SYMPK: variants seen among roughly 807,000 people sequenced by gnomAD.
SYMPK encodes the protein symplekin.
In SYMPK, 49 loss-of-function variants were observed where a neutral mutation model predicts 136.4. The ratio of observed to expected loss-of-function variants is 0.36; its 90% CI spans 0.29 to 0.46. The LOEUF is 0.46. Among genes scored for constraint, SYMPK ranks in the 20% least tolerant of loss-of-function variants. SYMPK has a pLI of 1.00. For missense variants in SYMPK, 1,365 were observed against 1,690.0 expected (o/e 0.81, Z 3.37); for synonymous variants, 766 against 713.0 (o/e 1.07, Z -1.19).
At chr19:45,862,892 C>T (rs1247464125) in intron 1 of SYMPK, among the ~76,000 whole-genome samples, 166 bp downstream of exon 1, 1 of 152,144 alleles carries the variant, frequency 6.6e-6, no homozygotes, top group African/African-American at 2.4e-5. Context: ...AACTTTGCCT[C>T]GAGGGCACTA....
intron 9 of SYMPK, among the ~76,000 whole-genome samples, chr19:45,840,991 CTTT>C (rs567036023): frequency 6.9e-6 from 1 of 145,680 alleles, no homozygotes. Context: ...AGATAAATTC[CTTT>C]TTTTTTTTTG....
In SYMPK at chr19:45,815,709, G is replaced by T; in HGVS notation, c.3688-12C>A. On this transcript the variant is annotated splice_polypyrimidine_tract_variant and intron_variant, in intron 26 of 26. Transcript: ENST00000245934. ...CCCGCTGCCGTCTCCTGGTGACCGG[G>T]GAAGGAAAGGGCAGCCGGGTGGAGG... is the stretch of plus-strand genomic sequence containing the variant. 3 of 1,607,782 alleles carry T rather than the reference G, an allele frequency of 1.9e-6. No individual in the cohort carries two copies. Among genetic ancestry groups the T allele is most frequent in the Non-Finnish European group, 2.5e-6 (3 of 1,177,864 alleles).
At chr19:45,848,617 T>C (rs1026672890) in intron 6 of SYMPK, 133 bp downstream of exon 6, 3 of 1,254,694 alleles carry the variant, frequency 2.4e-6, no homozygotes, top group Non-Finnish European at 3.4e-6. Context: ...CTCCATGTTA[T>C]CTGTTCCCAC....
intron 12 of SYMPK, 79 bp from the exon 13 acceptor site, chr19:45,830,283 G>T: frequency 1.3e-6 from 2 of 1,484,594 alleles, no homozygotes; most frequent in Non-Finnish European, 1.8e-6. Context: ...CCAACTTCAA[G>T]GACTAGGTAG....
intron 8 of SYMPK, chr19:45,842,692 T>TA: frequency 1.6e-6 from 1 of 629,286 alleles, no homozygotes; most frequent in Non-Finnish European, 2.7e-6. Flanking sequence ...CAGTCAATCT[T>TA]AAAGAGAAAA....
Position 45,825,234 on chromosome 19 carries a change from C to A in SYMPK, c.2427G>T (p.Ala809=). The change falls in exon 18 of 27, where the codon GCG becomes GCT. Residue 809 remains alanine, a synonymous_variant. Transcript: ENST00000245934. ...PQNHKLIHEL[A]AVYTEAIADI... ...CGGCGATGGCTTCAGTGTACACGGC[C>A]GCCAGTTCGTGGATCAGCTTGTGGT... 4 of 1,614,158 alleles carry A rather than the reference C, an allele frequency of 2.5e-6. No individual in the cohort carries two copies. The highest frequency in any genetic ancestry group is 3.4e-6 in the Non-Finnish European group (4 of 1,180,028).
Position 45,816,917 on chromosome 19 carries a change from G to T in SYMPK, c.3139C>A (p.Pro1047Thr), listed in dbSNP as rs1354562880. 6.4e-6 allele frequency: 10 copies of T among 1,557,548 alleles called. No individual in the cohort carries two copies. The highest frequency in any genetic ancestry group is 8.7e-6 in the Non-Finnish European group (10 of 1,150,562). ...GFIKCCQRTKPQSFQVILQLP... is the reference protein window; with the variant it reads ...GFIKCCQRTKTQSFQVILQLP... ...TGCAGGATGACCTGGAAGCTCTGGG[G>T]CTTTGTGCGCTGGCAGCACTTGATG... The change falls in exon 24 of 27, where the codon CCC (proline) becomes ACC (threonine). Residue 1047 changes from proline (P) to threonine (T), a missense_variant. Pro to Thr is a conservative substitution (Grantham distance 38, BLOSUM62 -1). Transcript: ENST00000245934.
chr19:45,845,780 C>T (rs1164865565), intron 7 of SYMPK, among the ~76,000 whole-genome samples: 1 of 152,096 alleles, frequency 6.6e-6, no homozygotes, highest in East Asian at 1.9e-4. Context: ...CTCAAAACTC[C>T]AAACAATTTT....
Position 45,843,556 on chromosome 19 carries a change from C to G in SYMPK, c.847+474G>C, listed in dbSNP as rs190079366. ...CCAGTCCTGAATCAAGTTTCTGTCA[C>G]ATGCCAAAAGATTCCTGTCTAATGT... On this transcript the variant is annotated intron_variant, in intron 8 of 26. Coordinates refer to ENST00000245934, the MANE Select transcript of SYMPK (RefSeq NM_004819.3). Among the ~76,000 whole-genome samples the G allele has an allele frequency of 1.1e-4, 16 of 152,250 alleles. No homozygotes were observed. The Middle Eastern group carries it at 0.014, about 129-fold the overall frequency.
At chr19:45,817,530 C>G (rs1970782415) in intron 23 of SYMPK, among the ~76,000 whole-genome samples, 1 of 149,508 alleles carries the variant, frequency 6.7e-6, no homozygotes, top group African/African-American at 2.5e-5. Flanking sequence ...CTCCTGGGCT[C>G]AAGCAGTCCT....
Position 45,841,294 on chromosome 19 carries a change from C to CT in SYMPK, c.1087+955_1087+956insA, listed in dbSNP as rs919078145. Among the ~76,000 whole-genome samples, 16 of 145,980 alleles carry CT rather than the reference C, an allele frequency of 1.1e-4. No homozygotes were observed. In the East Asian group the frequency reaches 2.3e-3, roughly 21 times the overall value. On this transcript the variant is annotated intron_variant, in intron 9 of 26. Coordinates refer to ENST00000245934, the MANE Select transcript of SYMPK (RefSeq NM_004819.3). ...CCACTGTGCCTGGCAATTCCCCCCC[C>CT]ACCTTTTTTTTTTTTGAGACAGAGT...
At position 45,844,031 on chromosome 19, in the gene SYMPK, A is replaced by G. The variant is rs772693421; in HGVS notation, c.846T>C (p.His282=). The change falls in exon 8 of 27, where the codon CAT becomes CAC. Residue 282 remains histidine, a splice_region_variant and synonymous_variant. Transcript: ENST00000245934. ...GGAGGGGGGAGGACAATGACCTACC[A>G]TGCAGAGTTTCATAGGCCTGGATCA... is the stretch of plus-strand genomic sequence containing the variant. ...SEVIQAYETL[H]ANLPPTLAKS... is the part of the protein sequence containing the mutation. 7 of 1,556,612 alleles carry G rather than the reference A, an allele frequency of 4.5e-6. No individual in the cohort carries two copies. Among genetic ancestry groups the G allele is most frequent in the Admixed American group, 1.8e-5 (1 of 55,556 alleles).
intron 1 of SYMPK, chr19:45,854,816 G>A: frequency 2.6e-6 from 1 of 382,930 alleles, no homozygotes; most frequent in South Asian, 2.8e-5. Context: ...CACCTTGCAG[G>A]TCTCCGTGTG....
chr19:45,855,198 ACAG>A (rs1309424324), intron 1 of SYMPK: 2 of 152,592 alleles, frequency 1.3e-5, no homozygotes, highest in African/African-American at 4.8e-5. Flanking sequence ...TTTTAAAAAC[ACAG>A]CTCTGAGGAA....
intron 12 of SYMPK, chr19:45,830,797 G>T (rs1405922675): frequency 6.6e-6 from 1 of 152,296 alleles, no homozygotes; most frequent in Non-Finnish European, 1.5e-5. Context: ...GCTGAGGCAG[G>T]AGAATGGCAT....
chr19:45,844,983 G>C (rs1971526866), intron 7 of SYMPK, among the ~76,000 whole-genome samples: 1 of 152,178 alleles, frequency 6.6e-6, no homozygotes, highest in Non-Finnish European at 1.5e-5. Flanking sequence ...ATCACCATCA[G>C]GGTAAATGGG....
chr19:45,861,599 C>T (rs762642949), intron 1 of SYMPK, among the ~76,000 whole-genome samples: 5 of 151,642 alleles, frequency 3.3e-5, no homozygotes, highest in Non-Finnish European at 7.4e-5. Context: ...ATTAGCCAGG[C>T]GTGGTGGTGT....
chr19:45,818,540 G>A (rs545884101), intron 22 of SYMPK, among the ~76,000 whole-genome samples: 1 of 152,316 alleles, frequency 6.6e-6, no homozygotes, highest in South Asian at 2.1e-4. Context: ...GAGAACAGCA[G>A]TCCACAGACC....
In SYMPK at chr19:45,830,113, C is replaced by T. The variant is rs573072205; in HGVS notation, c.1690G>A (p.Gly564Ser). 2 of 1,589,370 alleles carry T rather than the reference C, an allele frequency of 1.3e-6. No homozygotes were observed. The highest frequency in any genetic ancestry group is 1.3e-5 in the African/African-American group (1 of 74,380). The change falls in exon 13 of 27, where the codon GGC (glycine) becomes AGC (serine). Residue 564 changes from glycine to serine, a missense_variant. Physicochemically the swap from Gly to Ser is moderately conservative, Grantham distance 56 (BLOSUM62 0). This residue lies in a region of SYMPK where 303 missense variants were observed against 326.6 expected (regional missense o/e 0.93). Coordinates refer to ENST00000245934, the MANE Select transcript of SYMPK (RefSeq NM_004819.3). Reference protein sequence around the residue: ...TDAQVEAMKLGAVKRILRAEK... With the variant: ...TDAQVEAMKLSAVKRILRAEK... ...GCCCGCAGGATCCGCTTCACAGCGC[C>T]CAGCTTCATGGCTTCCACCTGGGCA... is the stretch of plus-strand genomic sequence containing the variant.
Sources: gnomAD v4.1 joint callset for allele counts (sites outside exome capture counted in the v4.1 genomes callset) on GRCh38, gnomAD v4.1.1 for gene constraint, gnomAD v4.1.1 regional missense constraint, MANE v1.5 for transcripts, NCBI Gene and HGNC (gene_info 2026-07-23, HGNC 2026-07-21) for gene names.